Variants in RPTOR observed in about 807,000 individuals in gnomAD.
RPTOR encodes the protein regulatory associated protein of MTOR complex 1.
Under a neutral mutation model 169.9 loss-of-function variants are expected in RPTOR, and 21 were observed. That is an observed-to-expected ratio of 0.12 (90% confidence interval 0.09 to 0.18). The LOEUF (loss-of-function observed/expected upper bound fraction) is 0.18. RPTOR is among the 10% of genes least tolerant of loss of function. RPTOR has a pLI of 1.00. For synonymous variants in RPTOR, 732 were observed against 753.2 expected (o/e 0.97, Z 0.46); for missense variants, 1,133 against 1,855.9 (o/e 0.61, Z 7.16).
intron 10 of RPTOR, among the ~76,000 whole-genome samples, chr17:80,840,392 C>CCGCA (rs2067617235): frequency 2.1e-5 from 3 of 139,746 alleles, no homozygotes; most frequent in Non-Finnish European, 3.1e-5. Flanking sequence ...CTCACTCTCA[C>CCGCA]TGCATGGCAG....
chr17:80,958,474 G>C (rs1354738080), intron 29 of RPTOR, among the ~76,000 whole-genome samples: 1 of 142,806 alleles, frequency 7.0e-6, no homozygotes, highest in Non-Finnish European at 1.5e-5. Context: ...GCAGTGGCGC[G>C]ATCTCGGCTC....
chr17:80,886,416 G>A (rs927268255), intron 17 of RPTOR, among the ~76,000 whole-genome samples: 30 of 152,292 alleles, frequency 2.0e-4, no homozygotes, highest in African/African-American at 6.5e-4. Context: ...CGTTCTCCTC[G>A]TGGCCGGGTT....
In RPTOR at chr17:80,774,280, G is replaced by A. The variant is rs928281056; in HGVS notation, c.831-17170G>A. 3.1e-5 allele frequency: 31 copies of A among 985,406 alleles called. No individual in the cohort carries two copies. The East Asian group carries it at 3.4e-4, about 11-fold the overall frequency. The allele number at this position is 985,406 out of a possible 1,614,324, so 61.0% of individuals were successfully genotyped here. On this transcript the variant is annotated intron_variant, in intron 6 of 33. Coordinates refer to ENST00000306801, the MANE Select transcript of RPTOR (RefSeq NM_020761.3). ...CGCTCCGGTGTGACACAGACGGCGC[G>A]GGAGCTGCACGGGAGAGTGCTTTGG...
rs77458163 is a variant in RPTOR at position 80,820,854 on chromosome 17, C to T, written c.891-1347C>T. On this transcript the variant is annotated intron_variant, in intron 7 of 33. Transcript: ENST00000306801. This position sits in a 1 kb window ranked among gnomAD's most constrained non-coding sequence, Gnocchi z 4.1. ...ACACAGCTAATGAAAGGGGCTTCTCCGTCATCCCCGTCCTGGCCAGCAGCC... is the reference window on the plus strand; with the variant it reads ...ACACAGCTAATGAAAGGGGCTTCTCTGTCATCCCCGTCCTGGCCAGCAGCC... Among the ~76,000 whole-genome samples, 5,331 of 152,312 alleles carry T rather than the reference C, an allele frequency of 0.035. 327 individuals are homozygous for T. Among genetic ancestry groups the T allele is most frequent in the African/African-American group, 0.12 (5,065 of 41,558 alleles).
chr17:80,874,493 A>C (rs541786404), intron 13 of RPTOR, among the ~76,000 whole-genome samples: 1 of 152,266 alleles, frequency 6.6e-6, no homozygotes, highest in South Asian at 2.1e-4. Context: ...ACAGAAAATC[A>C]ATGTGTCTAT....
chr17:80,866,376 G>A (rs531348918), intron 13 of RPTOR, among the ~76,000 whole-genome samples: 330 of 152,262 alleles, frequency 2.2e-3, no homozygotes, highest in South Asian at 6.0e-3. Flanking sequence ...CGGAGATCCC[G>A]GCTTCCACCT....
At chr17:80,899,750 A>G (rs545237393) in intron 20 of RPTOR, among the ~76,000 whole-genome samples, 1 of 152,198 alleles carries the variant, frequency 6.6e-6, no homozygotes, top group Non-Finnish European at 1.5e-5. Flanking sequence ...TGTGGACTGA[A>G]GTTTGAATTT....
intron 7 of RPTOR, among the ~76,000 whole-genome samples, chr17:80,808,263 G>GA (rs575391226): frequency 1.5e-4 from 23 of 152,028 alleles, no homozygotes; most frequent in Non-Finnish European, 2.1e-4. Flanking sequence ...CAGCTCTACA[G>GA]AAAAAATTAA....
intron 17 of RPTOR, among the ~76,000 whole-genome samples, chr17:80,886,183 G>T (rs1266551119): frequency 6.6e-6 from 1 of 152,258 alleles, no homozygotes; most frequent in Non-Finnish European, 1.5e-5. Flanking sequence ...GGGGCCTGGG[G>T]GTTGTTTGTC....
intron 7 of RPTOR, among the ~76,000 whole-genome samples, chr17:80,810,209 G>A (rs996400068): frequency 5.3e-5 from 8 of 151,838 alleles, no homozygotes; most frequent in Admixed American, 1.3e-4. Flanking sequence ...GCCAACCCTC[G>A]GGTTGTGAAG....
intron 9 of RPTOR, among the ~76,000 whole-genome samples, chr17:80,834,077 A>G (rs1388902045): frequency 1.3e-5 from 2 of 152,234 alleles, no homozygotes; most frequent in Non-Finnish European, 2.9e-5. Flanking sequence ...AAATAAATAA[A>G]TAAACCACCC....
At chr17:80,862,155 C>T (rs967004369) in intron 13 of RPTOR, among the ~76,000 whole-genome samples, 1 of 152,160 alleles carries the variant, frequency 6.6e-6, no homozygotes, top group Non-Finnish European at 1.5e-5. Flanking sequence ...CCACAGCCAG[C>T]TGGGCATGCC....
intron 6 of RPTOR, among the ~76,000 whole-genome samples, chr17:80,785,471 T>C (rs191430731): frequency 2.6e-4 from 39 of 152,332 alleles, no homozygotes; most frequent in Non-Finnish European, 4.3e-4. Flanking sequence ...TTCGTGTTGC[T>C]CTTTGAGAAG....
At chr17:80,899,725 G>A (rs2068451909) in intron 20 of RPTOR, among the ~76,000 whole-genome samples, 1 of 152,260 alleles carries the variant, frequency 6.6e-6, no homozygotes, top group South Asian at 2.1e-4. Context: ...ACTTGGCCAT[G>A]TTGCTATGTA....
chr17:80,900,836 T>A (rs1013661214), intron 20 of RPTOR, among the ~76,000 whole-genome samples: 1 of 152,258 alleles, frequency 6.6e-6, no homozygotes, highest in Non-Finnish European at 1.5e-5. Context: ...GCACCTTTTG[T>A]TGATCCAGGA....
chr17:80,790,586 C>G (rs565327115), intron 6 of RPTOR, among the ~76,000 whole-genome samples: 15 of 152,204 alleles, frequency 9.9e-5, no homozygotes, highest in Admixed American at 9.8e-4. Flanking sequence ...CTCCCCCGAA[C>G]GTGCCTGACC....
Position 80,634,719 on chromosome 17 carries a change from C to G in RPTOR, c.265+8926C>G, listed in dbSNP as rs1229909757. Among the ~76,000 whole-genome samples the G allele has an allele frequency of 6.8e-5, 4 of 59,154 alleles. 1 individual carries two copies. Among genetic ancestry groups the G allele is most frequent in the Non-Finnish European group, 1.0e-4 (3 of 29,124 alleles). 38.8% of individuals were successfully genotyped at this position (59,154 alleles called of 152,430 possible). A position where few individuals can be genotyped will look rare whatever the true frequency, so the allele number is the denominator to read the frequency against. ...CGTGTGCGTACTGTGTGTGTGCGTA[C>G]TGTGTGTGTGCGTACTGTGTGTGTG... On this transcript the variant is annotated intron_variant, in intron 2 of 33. Transcript: ENST00000306801.
At chr17:80,826,719 G>A (rs1336992062) in intron 9 of RPTOR, among the ~76,000 whole-genome samples, 2 of 152,242 alleles carry the variant, frequency 1.3e-5, no homozygotes, top group Non-Finnish European at 2.9e-5. Flanking sequence ...AACCAGGCCA[G>A]GAGTGGTGAA....
intron 9 of RPTOR, among the ~76,000 whole-genome samples, chr17:80,826,548 A>C (rs1293826809): frequency 6.6e-6 from 1 of 152,232 alleles, no homozygotes; most frequent in Non-Finnish European, 1.5e-5. Flanking sequence ...AGCGGAGTGA[A>C]CTGTGTTCAT....
Sources: gnomAD v4.1 joint callset for allele counts (sites outside exome capture counted in the v4.1 genomes callset) on GRCh38, gnomAD v4.1.1 for gene constraint, Gnocchi (gnomAD v3.1) non-coding constraint, MANE v1.5 for transcripts, NCBI Gene and HGNC (gene_info 2026-07-23, HGNC 2026-07-21) for gene names.